Variants in LONRF1 observed in about 807,000 individuals in gnomAD.
LONRF1 encodes the protein LON peptidase N-terminal domain and RING finger protein 1.
In LONRF1, 37 loss-of-function variants were observed where a neutral mutation model predicts 85.8. The observed-to-expected ratio is 0.43, with a 90% CI of 0.33 to 0.57. LONRF1 has a LOEUF of 0.57. Among genes scored for constraint, LONRF1 ranks in the 20% least tolerant of loss-of-function variants. LONRF1 has a pLI of 0.04. For missense variants in LONRF1, 1,036 were observed against 978.0 expected (o/e 1.06, Z -0.79); for synonymous variants, 517 against 390.1 (o/e 1.33, Z -3.83).
At chr8:12,731,202 C>T (rs546431883) in intron 8 of LONRF1, among the ~76,000 whole-genome samples, 42 of 152,234 alleles carry the variant, frequency 2.8e-4, no homozygotes, top group African/African-American at 7.2e-4. Flanking sequence ...AAGTTGCCTC[C>T]GAGATTTTCA....
rs541526594 is a variant in LONRF1, at chr8:12,743,227, T to C, written c.777A>G (p.Gln259=). Residue 259 remains glutamine (Q), a synonymous_variant, in exon 2 of 12, where the codon CAA becomes CAG. Transcript: ENST00000398246. ...AATCTTCTATGGCTGCTTTAAACTC[T>C]TGGAGACCAGCATATGATTCCGCTC... ...IYRAESYAGL[Q]EFKAAIEDLN... is the part of the protein sequence containing the mutation. 4 of 1,613,384 alleles carry C rather than the reference T, an allele frequency of 2.5e-6. No individual in the cohort carries two copies. The highest frequency in any genetic ancestry group is 2.2e-5 in the East Asian group (1 of 44,822).
intron 6 of LONRF1, chr8:12,735,728 A>C (rs1356762603): frequency 5.3e-6 from 1 of 190,236 alleles, no homozygotes; most frequent in Non-Finnish European, 1.1e-5. Context: ...TGTAAAATAC[A>C]TACCAGATTT....
intron 11 of LONRF1, among the ~76,000 whole-genome samples, chr8:12,724,147 T>A (rs1361089235): frequency 1.3e-5 from 2 of 152,220 alleles, no homozygotes; most frequent in African/African-American, 4.8e-5. Context: ...TTCATCTGCA[T>A]TCCACAGACA....
At chr8:12,732,420 C>T (rs903366982) in intron 7 of LONRF1, among the ~76,000 whole-genome samples, 36 of 152,262 alleles carry the variant, frequency 2.4e-4, no homozygotes, top group African/African-American at 8.4e-4. Context: ...TTTCTTGGGA[C>T]ACTATCACTC....
chr8:12,732,307 G>C (rs921597147), intron 7 of LONRF1, among the ~76,000 whole-genome samples: 1 of 152,192 alleles, frequency 6.6e-6, no homozygotes, highest in Non-Finnish European at 1.5e-5. Context: ...TTCAGACACA[G>C]TCTCTAGATA....
intron 1 of LONRF1, among the ~76,000 whole-genome samples, chr8:12,751,688 CTTT>C (rs74275298): frequency 2.8e-5 from 4 of 140,930 alleles, no homozygotes; most frequent in South Asian, 2.2e-4. Context: ...ACCTTACAAC[CTTT>C]TTTTTTTTTT....
In LONRF1 at chr8:12,722,800, A is replaced by ACACT; in HGVS notation, c.*295_*296insAGTG. 1 of 223,528 alleles carries ACACT rather than the reference A, an allele frequency of 4.5e-6. No individual in the cohort carries two copies. Among genetic ancestry groups the ACACT allele is most frequent in the Non-Finnish European group, 8.9e-6 (1 of 112,746 alleles). 13.8% of individuals were successfully genotyped at this position (223,528 alleles called of 1,614,324 possible). ...CACACGCACGCACACACACACACAC[A>ACACT]CTCTCTCACAGACATAAAGAGTTCT... On this transcript the variant is annotated 3_prime_UTR_variant, in exon 12 of 12. Coordinates refer to ENST00000398246, the MANE Select transcript of LONRF1 (RefSeq NM_152271.5).
At chr8:12,744,917 AC>A (rs376986883) in intron 1 of LONRF1, among the ~76,000 whole-genome samples, 16 of 151,386 alleles carry the variant, frequency 1.1e-4, no homozygotes, top group Middle Eastern at 3.4e-3. Flanking sequence ...TCAAGTTCTC[AC>A]TCCTTTATAT....
At chr8:12,750,782 G>A (rs925234653) in intron 1 of LONRF1, among the ~76,000 whole-genome samples, 1 of 152,118 alleles carries the variant, frequency 6.6e-6, no homozygotes, top group Non-Finnish European at 1.5e-5. Context: ...AACTAAAATC[G>A]GGATGTAATT....
intron 1 of LONRF1, among the ~76,000 whole-genome samples, chr8:12,752,471 GAATT>G (rs1359388698): frequency 1.3e-5 from 2 of 152,140 alleles, no homozygotes; most frequent in Admixed American, 6.5e-5. Context: ...TTCAAGCATG[GAATT>G]AATGATTCTT....
intron 11 of LONRF1, among the ~76,000 whole-genome samples, chr8:12,723,958 A>C (rs955679132): frequency 2.0e-5 from 3 of 152,198 alleles, no homozygotes; most frequent in Non-Finnish European, 2.9e-5. Flanking sequence ...ATTTCCATAA[A>C]AGGACTTGTA....
At chr8:12,744,847 T>C (rs1164694926) in intron 1 of LONRF1, among the ~76,000 whole-genome samples, 2 of 150,386 alleles carry the variant, frequency 1.3e-5, no homozygotes, top group Non-Finnish European at 3.0e-5. Context: ...AGTTCACTAC[T>C]GCAACAAGCA....
intron 1 of LONRF1, among the ~76,000 whole-genome samples, chr8:12,752,620 A>C (rs951760616): frequency 6.6e-6 from 1 of 152,240 alleles, no homozygotes; most frequent in South Asian, 2.1e-4. Context: ...CTTGAAAAAA[A>C]GAGAGATTAC....
At chr8:12,750,604 A>G (rs1472640517) in intron 1 of LONRF1, among the ~76,000 whole-genome samples, 1 of 152,214 alleles carries the variant, frequency 6.6e-6, no homozygotes, top group Non-Finnish European at 1.5e-5. Context: ...TTTAAATTCA[A>G]ATTTCTTCAT....
chr8:12,724,233 G>A (rs549483552), intron 11 of LONRF1, among the ~76,000 whole-genome samples: 1 of 152,302 alleles, frequency 6.6e-6, no homozygotes, highest in Middle Eastern at 3.4e-3. Flanking sequence ...CACTCTTGTT[G>A]GGTGTGGAAG....
rs1385702708 is a variant in LONRF1, at chr8:12,755,469, C to T, written c.-49G>A. 9.7e-7 allele frequency: 1 copy of T among 1,035,510 alleles called. No homozygotes were observed. Among genetic ancestry groups the T allele is most frequent in the South Asian group, 4.5e-5 (1 of 22,112 alleles). The allele number at this position is 1,035,510 out of a possible 1,614,324, so 64.1% of individuals were successfully genotyped here. A position where few individuals can be genotyped will look rare whatever the true frequency, so the allele number is the denominator to read the frequency against. ...GCCGCCCGCCGCCACGGTCCCGGAG[C>T]CTCCCGGGCGCGCGGCTCCGCACGC... On this transcript the variant is annotated 5_prime_UTR_variant, in exon 1 of 12. Transcript: ENST00000398246.
intron 2 of LONRF1, among the ~76,000 whole-genome samples, chr8:12,741,988 A>T (rs1798950231): frequency 6.6e-6 from 1 of 152,240 alleles, no homozygotes; most frequent in South Asian, 2.1e-4. Context: ...AGAATGAAAC[A>T]GATTCTTAGT....
intron 3 of LONRF1, 124 bp downstream of exon 3, chr8:12,740,750 A>T (rs954512605): frequency 1.6e-5 from 20 of 1,231,768 alleles, no homozygotes; most frequent in Non-Finnish European, 2.2e-5. Flanking sequence ...AAATTATCAC[A>T]TTTGTTCCTA....
At chr8:12,724,208 T>G (rs953794649) in intron 11 of LONRF1, among the ~76,000 whole-genome samples, 1 of 152,118 alleles carries the variant, frequency 6.6e-6, no homozygotes, top group African/African-American at 2.4e-5. Flanking sequence ...CAGGTTAGAG[T>G]TGGCCGATGA....
Sources: gnomAD v4.1 joint callset for allele counts (sites outside exome capture counted in the v4.1 genomes callset) on GRCh38, gnomAD v4.1.1 for gene constraint, MANE v1.5 for transcripts, NCBI Gene and HGNC (gene_info 2026-07-23, HGNC 2026-07-21) for gene names.